PLEKHA7: variants seen among roughly 807,000 people sequenced by gnomAD.
The protein encoded by PLEKHA7 is pleckstrin homology domain-containing family A member 7.
A neutral mutation model predicts 170.0 loss-of-function variants in PLEKHA7; 104 were observed. The ratio of observed to expected loss-of-function variants is 0.61; its 90% CI spans 0.52 to 0.72. PLEKHA7 has a LOEUF of 0.72. PLEKHA7 is among the 30% of genes least tolerant of loss of function. The pLI is 0.00. For missense variants in PLEKHA7, 1,615 were observed against 1,671.7 expected (o/e 0.97, Z 0.59); for synonymous variants, 648 against 660.8 (o/e 0.98, Z 0.30).
At chr11:16,991,665 G>C (rs1033745717) in intron 3 of PLEKHA7, among the ~76,000 whole-genome samples, 10 of 152,150 alleles carry the variant, frequency 6.6e-5, no homozygotes, top group Non-Finnish European at 1.0e-4. Flanking sequence ...AGAGGTAATG[G>C]GGTTGGAGAG....
chr11:16,870,574 G>A (rs900721719), intron 4 of PLEKHA7, among the ~76,000 whole-genome samples: 1 of 150,926 alleles, frequency 6.6e-6, no homozygotes, highest in African/African-American at 2.4e-5. Flanking sequence ...AGGCTGCAGT[G>A]AGCCAAGATT....
intron 19 of PLEKHA7, among the ~76,000 whole-genome samples, chr11:16,793,803 G>C (rs1453209236): frequency 6.6e-6 from 1 of 152,202 alleles, no homozygotes; most frequent in Non-Finnish European, 1.5e-5. Flanking sequence ...TGCTGGCCCA[G>C]TCAGCCACAG....
chr11:16,838,280 G>T (rs185398599), intron 9 of PLEKHA7, among the ~76,000 whole-genome samples: 8 of 152,280 alleles, frequency 5.3e-5, no homozygotes, highest in Admixed American at 5.2e-4. Context: ...GGCTGAGCTA[G>T]GAGGATTGCT....
chr11:16,995,496 C>G (rs1404084975), intron 3 of PLEKHA7, among the ~76,000 whole-genome samples: 1 of 152,174 alleles, frequency 6.6e-6, no homozygotes, highest in African/African-American at 2.4e-5. Context: ...ACTCATCCAG[C>G]CCCTGAACTG....
chr11:16,810,653 A>G (rs1445778889), intron 13 of PLEKHA7, among the ~76,000 whole-genome samples: 1 of 152,242 alleles, frequency 6.6e-6, no homozygotes, highest in African/African-American at 2.4e-5. Flanking sequence ...ATAACGTTCT[A>G]ATCATGTGCA....
chr11:16,979,861 A>T (rs983543953), intron 3 of PLEKHA7, among the ~76,000 whole-genome samples: 6 of 152,182 alleles, frequency 3.9e-5, no homozygotes, highest in Non-Finnish European at 8.8e-5. Flanking sequence ...AGTCCATCAT[A>T]AGCAAGCAGG....
At chr11:16,784,532 C>T (rs180674014) in intron 24 of PLEKHA7, among the ~76,000 whole-genome samples, 113 of 152,270 alleles carry the variant, frequency 7.4e-4, no homozygotes, top group Non-Finnish European at 1.4e-3. Flanking sequence ...GGAAAATGGC[C>T]CCAAATTTCA....
chr11:16,888,828 C>A (rs1856383918), intron 3 of PLEKHA7, among the ~76,000 whole-genome samples: 1 of 149,706 alleles, frequency 6.7e-6, no homozygotes, highest in Non-Finnish European at 1.5e-5. Context: ...CGAGAAACAC[C>A]CAAGAATGAT....
At chr11:16,914,994 T>A (rs892758278) in intron 3 of PLEKHA7, among the ~76,000 whole-genome samples, 5 of 152,218 alleles carry the variant, frequency 3.3e-5, no homozygotes, top group Non-Finnish European at 7.3e-5. Context: ...CCCAGTGCCC[T>A]GAGACAGGCC....
chr11:17,013,927 G>C (rs1865485937), intron 3 of PLEKHA7, 62 bp downstream of exon 3: 4 of 1,433,792 alleles, frequency 2.8e-6, no homozygotes, highest in African/African-American at 1.8e-5. Flanking sequence ...GCGCCCGGCG[G>C]GAACGGGGAG....
At chr11:16,834,075 G>A (rs10766351) in intron 9 of PLEKHA7, among the ~76,000 whole-genome samples, 69,878 of 151,788 alleles carry the variant, frequency 0.46, 17,801 homozygotes, top group East Asian at 0.71. Context: ...CAGTGGCGCG[G>A]TTTCGACTCA....
intron 3 of PLEKHA7, among the ~76,000 whole-genome samples, chr11:16,927,500 A>AT (rs1337000149): frequency 2.0e-5 from 3 of 151,952 alleles, no homozygotes; most frequent in Admixed American, 2.0e-4. Context: ...AGCACTTATC[A>AT]TCTCTAGCCT....
At chr11:16,994,125 C>T (rs1315576061) in intron 3 of PLEKHA7, among the ~76,000 whole-genome samples, 1 of 152,192 alleles carries the variant, frequency 6.6e-6, no homozygotes. Flanking sequence ...CCTAGAAGCA[C>T]CAAGCACACA....
chr11:16,862,861 T>C (rs1565034158), intron 4 of PLEKHA7, among the ~76,000 whole-genome samples: 1 of 152,158 alleles, frequency 6.6e-6, no homozygotes, highest in African/African-American at 2.4e-5. Flanking sequence ...GTTTCCATTT[T>C]TCCTCATTTT....
At chr11:16,840,611 C>T (rs1851875004) in intron 9 of PLEKHA7, among the ~76,000 whole-genome samples, 1 of 151,972 alleles carries the variant, frequency 6.6e-6, no homozygotes, top group Non-Finnish European at 1.5e-5. Context: ...TGCTTTAAGC[C>T]TAGGATACTG....
At chr11:16,845,692 T>A (rs1345852209) in intron 8 of PLEKHA7, among the ~76,000 whole-genome samples, 1 of 152,096 alleles carries the variant, frequency 6.6e-6, no homozygotes, top group Non-Finnish European at 1.5e-5. Context: ...AACTGGGGAA[T>A]GATGTGCTCA....
At chr11:16,852,694 T>C (rs1853079338) in intron 6 of PLEKHA7, among the ~76,000 whole-genome samples, 1 of 152,252 alleles carries the variant, frequency 6.6e-6, no homozygotes. Context: ...GGCTATGCTA[T>C]AAAATACCTT....
At chr11:16,814,920 T>C (rs1432359087) in intron 12 of PLEKHA7, among the ~76,000 whole-genome samples, 3 of 152,226 alleles carry the variant, frequency 2.0e-5, no homozygotes, top group African/African-American at 7.2e-5. Flanking sequence ...TACACCAGCC[T>C]GGCAGTCACT....
intron 3 of PLEKHA7, among the ~76,000 whole-genome samples, chr11:16,885,638 T>TAAAA (rs11306143): frequency 6.7e-6 from 1 of 149,658 alleles, no homozygotes. Flanking sequence ...ACAAAAATCT[T>TAAAA]AAAAAAAAAA....
Sources: gnomAD v4.1 joint callset for allele counts (sites outside exome capture counted in the v4.1 genomes callset) on GRCh38, gnomAD v4.1.1 for gene constraint, MANE v1.5 for transcripts, NCBI Gene and HGNC (gene_info 2026-07-23, HGNC 2026-07-21) for gene names.